The following NXPE3 variants were observed in gnomAD, a reference collection of about 807,000 sequenced individuals.
NXPE3 encodes the protein NXPE family member 3.
NXPE3 carries 26 observed loss-of-function variants against 46.1 expected under a neutral mutation model. The ratio of observed to expected loss-of-function variants is 0.56; its 90% CI spans 0.41 to 0.78. The LOEUF is 0.78. Among genes scored for constraint, NXPE3 ranks in the 30% least tolerant of loss-of-function variants. The pLI is 0.00. For synonymous variants in NXPE3, 272 were observed against 257.9 expected (o/e 1.05, Z -0.52); for missense variants, 620 against 686.0 (o/e 0.90, Z 1.07).
chr3:101,815,638 C>T (rs1037857523), intron 6 of NXPE3, among the ~76,000 whole-genome samples: 2 of 151,494 alleles, frequency 1.3e-5, no homozygotes, highest in Non-Finnish European at 2.9e-5. Flanking sequence ...TCGAGGCGGG[C>T]GGATCACTTG....
chr3:101,779,758 G>A (rs986712972), intron 1 of NXPE3: 1 of 152,570 alleles, frequency 6.6e-6, no homozygotes, highest in Non-Finnish European at 1.5e-5. Context: ...CCGGTGCGGA[G>A]CACTTGGCGA....
chr3:101,790,531 A>G (rs977740045), intron 4 of NXPE3, among the ~76,000 whole-genome samples: 1 of 152,186 alleles, frequency 6.6e-6, no homozygotes, highest in Non-Finnish European at 1.5e-5. Flanking sequence ...GTATGATATT[A>G]TATAACCACT....
At chr3:101,814,688 T>G (rs1375970654) in intron 6 of NXPE3, among the ~76,000 whole-genome samples, 3 of 152,180 alleles carry the variant, frequency 2.0e-5, no homozygotes, top group Non-Finnish European at 4.4e-5. Flanking sequence ...ATAGAATGAC[T>G]GGACTTTGAT....
chr3:101,822,239 T>G lies in NXPE3; in HGVS notation c.*285T>G. ...AAGATGCTAATGAGTGTATTTGAAT[T>G]AGCTTCTCCTAGGAGGGGTGACTAC... On this transcript the variant is annotated 3_prime_UTR_variant, in exon 8 of 8. Coordinates refer to ENST00000273347, the MANE Select transcript of NXPE3 (RefSeq NM_145037.4). 2.9e-6 allele frequency: 1 copy of G among 343,924 alleles called. No individual in the cohort carries two copies. Among genetic ancestry groups the G allele is most frequent in the Non-Finnish European group, 5.4e-6 (1 of 186,734 alleles). 21.3% of individuals were successfully genotyped at this position (343,924 alleles called of 1,614,324 possible).
intron 6 of NXPE3, among the ~76,000 whole-genome samples, chr3:101,812,955 G>A (rs577454371): frequency 1.6e-4 from 25 of 151,920 alleles, no homozygotes; most frequent in Non-Finnish European, 3.4e-4. Flanking sequence ...GGTTTTAGGG[G>A]ACTAAAATAT....
rs1340452386 is a variant in NXPE3 at position 101,822,657 on chromosome 3, C to T, written c.*703C>T. On this transcript the variant is annotated 3_prime_UTR_variant, in exon 8 of 8. Transcript: ENST00000273347. ...GGTGATTGTTTTTTATTTGATTCAG[C>T]TAAATTTTATGTGTTGAATACTTAC... 6.6e-6 allele frequency: 1 copy of T among 152,052 alleles called. No individual in the cohort carries two copies. The highest frequency in any genetic ancestry group is 1.5e-5 in the Non-Finnish European group (1 of 68,036). The allele number at this position is 152,052 out of a possible 1,614,324, so 9.4% of individuals were successfully genotyped here. A position where few individuals can be genotyped will look rare whatever the true frequency, so the allele number is the denominator to read the frequency against.
chr3:101,782,903 C>T (rs896804975), intron 3 of NXPE3, 123 bp downstream of exon 3: 22 of 152,200 alleles, frequency 1.4e-4, no homozygotes, highest in Admixed American at 2.6e-4. Flanking sequence ...CTGTTTTGGC[C>T]TCCCAAAGTG....
rs753911382 is a variant in NXPE3, at chr3:101,821,586, A to C, written c.1312A>C (p.Thr438Pro). Residue 438 changes from threonine to proline, a missense_variant, in exon 8 of 8, where the codon ACA (threonine) becomes CCA (proline). Transcript: ENST00000273347. ...GAATGGCATTGTGGGAGGGAAGAAC[A>C]CAGTGGTTGCCATAGCTGTATGGTC... ...ELNGIVGGKN[T>P]VVAIAVWSHF... The C allele has an allele frequency of 6.2e-7, 1 of 1,614,176 alleles. No individual in the cohort carries two copies. The highest frequency in any genetic ancestry group is 2.2e-5 in the East Asian group (1 of 44,878).
chr3:101,798,632 A>C (rs12631513), intron 4 of NXPE3, among the ~76,000 whole-genome samples: 44,758 of 143,456 alleles, frequency 0.31, 7,059 homozygotes, highest in Non-Finnish European at 0.34. Flanking sequence ...AAAGTTTTTG[A>C]GACAAAGTCT....
At chr3:101,799,561 G>T (rs1443270835) in intron 4 of NXPE3, among the ~76,000 whole-genome samples, 2 of 151,978 alleles carry the variant, frequency 1.3e-5, no homozygotes, top group Admixed American at 1.3e-4. Flanking sequence ...GAGTAGTTGG[G>T]ATTACAGGCG....
intron 7 of NXPE3, among the ~76,000 whole-genome samples, chr3:101,818,000 C>T (rs1374155348): frequency 6.6e-6 from 1 of 152,128 alleles, no homozygotes; most frequent in Non-Finnish European, 1.5e-5. Flanking sequence ...AAGCGATCCT[C>T]CCACCTCAGC....
At chr3:101,815,841 C>T (rs541573065) in intron 6 of NXPE3, among the ~76,000 whole-genome samples, 1 of 152,202 alleles carries the variant, frequency 6.6e-6, no homozygotes, top group East Asian at 1.9e-4. Flanking sequence ...ACTAAAAATA[C>T]AAAAATTAAC....
intron 4 of NXPE3, among the ~76,000 whole-genome samples, chr3:101,799,628 GT>G (rs1274562884): frequency 5.3e-5 from 8 of 152,152 alleles, no homozygotes; most frequent in African/African-American, 1.9e-4. Context: ...GTTTCAGCAT[GT>G]TGGCCAGGCT....
intron 4 of NXPE3, 123 bp from the exon 5 acceptor site, chr3:101,801,112 T>G: frequency 1.6e-5 from 17 of 1,062,534 alleles, no homozygotes; most frequent in Admixed American, 2.4e-5. Flanking sequence ...ATATTCACTG[T>G]GAGAATCTGA....
chr3:101,798,594 A>G (rs1011704440), intron 4 of NXPE3, among the ~76,000 whole-genome samples: 9 of 128,768 alleles, frequency 7.0e-5, no homozygotes, highest in Admixed American at 5.3e-4. Context: ...GTCTATATAT[A>G]TATATATATT....
chr3:101,808,835 A>ATG lies in NXPE3; in HGVS notation c.922+1710_922+1711insGT, dbSNP rs1173291096. On this transcript the variant is annotated intron_variant, in intron 6 of 7. Transcript: ENST00000273347. ...TTTTAGAGGATATATATATATATAT[A>ATG]TATATATATATATATATATATGAGA... Among the ~76,000 whole-genome samples the ATG allele has an allele frequency of 9.5e-5, 11 of 115,190 alleles. 1 individual carries two copies. The highest frequency in any genetic ancestry group is 3.5e-4 in the African/African-American group (10 of 28,932). 75.6% of individuals were successfully genotyped at this position (115,190 alleles called of 152,430 possible). A position where few individuals can be genotyped will look rare whatever the true frequency, so the allele number is the denominator to read the frequency against.
Position 101,807,539 on chromosome 3 carries a change from G to T in NXPE3, c.922+413G>T, listed in dbSNP as rs1014460476. ...AATTTTTGCCATGTTGCCCAGGATGGTCTTGAATTCTTGAGCTCAAGCAAT... is the reference window on the plus strand; with the variant it reads ...AATTTTTGCCATGTTGCCCAGGATGTTCTTGAATTCTTGAGCTCAAGCAAT... On this transcript the variant is annotated intron_variant, in intron 6 of 7. Transcript: ENST00000273347. Among the ~76,000 whole-genome samples the T allele has an allele frequency of 2.5e-4, 38 of 151,872 alleles. 1 individual carries two copies. Among genetic ancestry groups the T allele is most frequent in the Non-Finnish European group, 5.9e-5 (4 of 67,998 alleles).
At chr3:101,796,399 A>G (rs1045835696) in intron 4 of NXPE3, among the ~76,000 whole-genome samples, 5 of 152,152 alleles carry the variant, frequency 3.3e-5, no homozygotes, top group Admixed American at 2.6e-4. Context: ...ACATTTTTGC[A>G]TTTTTGTCAT....
chr3:101,824,533 C>A lies in NXPE3; in HGVS notation c.*2579C>A. 6.6e-6 allele frequency: 1 copy of A among 152,602 alleles called. No individual in the cohort carries two copies. Among genetic ancestry groups the A allele is most frequent in the South Asian group, 2.1e-4 (1 of 4,858 alleles). 9.5% of individuals were successfully genotyped at this position (152,602 alleles called of 1,614,324 possible). On this transcript the variant is annotated 3_prime_UTR_variant, in exon 8 of 8. Coordinates refer to ENST00000273347, the MANE Select transcript of NXPE3 (RefSeq NM_145037.4). ...ATATGGCTCACTGCAGCCTTGACTT[C>A]CTGGGCTCAAGGGATCCTTCTGCCT...
Sources: gnomAD v4.1 joint callset for allele counts (sites outside exome capture counted in the v4.1 genomes callset) on GRCh38, gnomAD v4.1.1 for gene constraint, MANE v1.5 for transcripts, NCBI Gene and HGNC (gene_info 2026-07-23, HGNC 2026-07-21) for gene names.